TRPM7: variants seen among roughly 807,000 people sequenced by gnomAD.
The protein encoded by TRPM7 is transient receptor potential cation channel subfamily M member 7.
A neutral mutation model predicts 229.7 loss-of-function variants in TRPM7; 134 were observed. That is an observed-to-expected ratio of 0.58 (90% CI 0.51 to 0.67). The LOEUF (loss-of-function observed/expected upper bound fraction) is 0.67. TRPM7 is among the 30% of genes least tolerant of loss of function. The pLI is 0.00. For synonymous variants in TRPM7, 699 were observed against 715.2 expected (o/e 0.98, Z 0.36); for missense variants, 1,901 against 2,210.0 (o/e 0.86, Z 2.80).
At chr15:50,678,926 T>C (rs897907337) in intron 1 of TRPM7, among the ~76,000 whole-genome samples, 1 of 152,010 alleles carries the variant, frequency 6.6e-6, no homozygotes, top group Admixed American at 6.6e-5. Context: ...CAGGCTGGAG[T>C]GCAATGGCGT....
rs2141397434 is a variant in TRPM7, at chr15:50,557,737, G to A, written c.*3941C>T. ...AGGCTCACTGCAACCTCCACCTCTT[G>A]GGTTCAAGCAATTCTCCTGCCTCAG... On this transcript the variant is annotated 3_prime_UTR_variant, in exon 39 of 39. Coordinates refer to ENST00000646667, the MANE Select transcript of TRPM7 (RefSeq NM_017672.6). The A allele has an allele frequency of 6.6e-6, 1 of 152,254 alleles. No homozygotes were observed. The highest frequency in any genetic ancestry group is 6.5e-5 in the Admixed American group (1 of 15,274). The allele number at this position is 152,254 out of a possible 1,614,324, so 9.4% of individuals were successfully genotyped here.
chr15:50,633,058 A>G, intron 8 of TRPM7, 66 bp from the exon 9 acceptor site: 1 of 1,452,432 alleles, frequency 6.9e-7, no homozygotes, highest in Non-Finnish European at 9.2e-7. Context: ...AATATGAAGT[A>G]CAGGTAGATC....
At chr15:50,634,878 C>T (rs531835541) in intron 7 of TRPM7, among the ~76,000 whole-genome samples, 1 of 152,110 alleles carries the variant, frequency 6.6e-6, no homozygotes, top group South Asian at 2.1e-4. Context: ...ATTTGTTTTC[C>T]ATATTTTACT....
At chr15:50,635,459 C>G (rs1005575585) in intron 7 of TRPM7, among the ~76,000 whole-genome samples, 1 of 150,888 alleles carries the variant, frequency 6.6e-6, no homozygotes, top group African/African-American at 2.4e-5. Context: ...GTCAGGAGAT[C>G]GAGACCTTCC....
At chr15:50,624,045 T>C in intron 12 of TRPM7, 121 bp downstream of exon 12, 1 of 1,051,586 alleles carries the variant, frequency 9.5e-7, no homozygotes, top group Non-Finnish European at 1.3e-6. Flanking sequence ...CTGGCTATAA[T>C]TTTTTCATAT....
intron 1 of TRPM7, among the ~76,000 whole-genome samples, chr15:50,669,792 A>T (rs2061951370): frequency 6.6e-6 from 1 of 152,136 alleles, no homozygotes; most frequent in South Asian, 2.1e-4. Context: ...GGAAAAAAAA[A>T]AGGGATGGCT....
intron 38 of TRPM7, among the ~76,000 whole-genome samples, chr15:50,566,183 T>G (rs2053589646): frequency 6.6e-6 from 1 of 152,150 alleles, no homozygotes; most frequent in Admixed American, 6.6e-5. Flanking sequence ...AGTATGTTTC[T>G]TTTATAATAG....
At chr15:50,617,084 G>T (rs2060241590) in intron 13 of TRPM7, among the ~76,000 whole-genome samples, 1 of 151,566 alleles carries the variant, frequency 6.6e-6, no homozygotes, top group African/African-American at 2.4e-5. Context: ...GAGGTCAGGG[G>T]TTTGAGGCCA....
In TRPM7 at chr15:50,570,154, A is replaced by G; in HGVS notation, c.5310T>C (p.Gly1770=). 2 of 1,604,604 alleles carry G rather than the reference A, an allele frequency of 1.2e-6. No homozygotes were observed. The highest frequency in any genetic ancestry group is 1.7e-6 in the Non-Finnish European group (2 of 1,174,558). Residue 1770 remains glycine (G), a splice_region_variant and synonymous_variant, in exon 37 of 39, where the codon GGT becomes GGC. Transcript: ENST00000646667. ...RGELLVLDLQ[G]VGENLTDPSV... ...ATGGGTCAGTCAAATTTTCACCAAC[A>G]CCTTTATATGTGTATATAAAAAAGA...
At chr15:50,562,756 G>T (rs956594085) in intron 38 of TRPM7, among the ~76,000 whole-genome samples, 2 of 149,360 alleles carry the variant, frequency 1.3e-5, no homozygotes, top group African/African-American at 2.5e-5. Flanking sequence ...CTGGGCGACA[G>T]AGTGAGATCC....
chr15:50,599,650 T>G (rs1341046436), intron 21 of TRPM7: 3 of 161,136 alleles, frequency 1.9e-5, no homozygotes, highest in African/African-American at 4.8e-5. Flanking sequence ...TTTCCACAAC[T>G]GCCCTTTCCT....
chr15:50,620,197 T>C (rs960472931), intron 12 of TRPM7, among the ~76,000 whole-genome samples: 2 of 152,218 alleles, frequency 1.3e-5, no homozygotes, highest in African/African-American at 4.8e-5. Context: ...TAACACAAGC[T>C]TGTTCAACCT....
intron 1 of TRPM7, among the ~76,000 whole-genome samples, chr15:50,679,257 C>G (rs2062174044): frequency 6.6e-6 from 1 of 150,960 alleles, no homozygotes; most frequent in Non-Finnish European, 1.5e-5. Flanking sequence ...ATCACTTGAG[C>G]CTAGGAGGTT....
chr15:50,587,221 G>A (rs1182914959), intron 27 of TRPM7, among the ~76,000 whole-genome samples: 1 of 151,934 alleles, frequency 6.6e-6, no homozygotes, highest in Non-Finnish European at 1.5e-5. Context: ...TTATTGCTTT[G>A]TATGAGCTAT....
chr15:50,627,496 G>A (rs1262076776), intron 11 of TRPM7, among the ~76,000 whole-genome samples: 3 of 152,150 alleles, frequency 2.0e-5, no homozygotes, highest in Non-Finnish European at 2.9e-5. Flanking sequence ...GAGCAAGAAC[G>A]TCAACAAGGT....
At position 50,612,549 on chromosome 15, in the gene TRPM7, T is replaced by C. The variant is rs1348185294; in HGVS notation, c.2051A>G (p.Asn684Ser). Residue 684 changes from asparagine to serine, a missense_variant and splice_region_variant, in exon 16 of 39, where the codon AAT becomes AGT. By Grantham distance (46) the Asn-to-Ser change is conservative. Around this residue, in one of 8 missense-constraint regions of TRPM7, gnomAD observed 794 missense variants for 881.9 expected, o/e 0.90. Transcript: ENST00000646667. ...DTSEELKQYS[N>S]DFGQLAVELL... Reference sequence around the variant, plus strand: ...TTTCAAATGATAAAATACCACTTACTTGGAATACTGTTTTAGTTCTTCTGA... The same window carrying C: ...TTTCAAATGATAAAATACCACTTACCTGGAATACTGTTTTAGTTCTTCTGA... 1 of 1,602,918 alleles carries C rather than the reference T, an allele frequency of 6.2e-7. No individual in the cohort carries two copies. The highest frequency in any genetic ancestry group is 8.5e-7 in the Non-Finnish European group (1 of 1,173,378).
chr15:50,634,768 T>C (rs754708646), intron 7 of TRPM7, among the ~76,000 whole-genome samples: 10 of 152,172 alleles, frequency 6.6e-5, no homozygotes, highest in African/African-American at 1.2e-4. Flanking sequence ...AATGAATACT[T>C]TGTCACTATC....
At chr15:50,657,941 A>T in intron 2 of TRPM7, 122 bp from the exon 3 acceptor site, 1 of 664,566 alleles carries the variant, frequency 1.5e-6, no homozygotes, top group South Asian at 2.2e-5. Flanking sequence ...TTTTCAGTAG[A>T]TATTATAGTT....
At position 50,686,668 on chromosome 15, in the gene TRPM7, C is replaced by A; in HGVS notation, c.-135G>T. The A allele has an allele frequency of 8.1e-7, 1 of 1,234,886 alleles. No individual in the cohort carries two copies. The highest frequency in any genetic ancestry group is 1.1e-6 in the Non-Finnish European group (1 of 893,454). The allele number at this position is 1,234,886 out of a possible 1,614,324, so 76.5% of individuals were successfully genotyped here. ...GACAAGGAACGCCCAGGGAAACCTT[C>A]TCAGAACTAACTCAGCTCCGGCGCT... On this transcript the variant is annotated 5_prime_UTR_variant, in exon 1 of 39. Coordinates refer to ENST00000646667, the MANE Select transcript of TRPM7 (RefSeq NM_017672.6).
Sources: allele counts gnomAD v4.1 joint callset (sites outside exome capture counted in the v4.1 genomes callset), GRCh38; gene constraint gnomAD v4.1.1; regional missense constraint gnomAD v4.1.1; transcripts MANE v1.5; gene names NCBI Gene and HGNC (gene_info 2026-07-23, HGNC 2026-07-21).